Variants in BMX observed in about 807,000 individuals in gnomAD.
BMX encodes the protein BMX non-receptor tyrosine kinase, also known as cytoplasmic tyrosine-protein kinase BMX.
BMX carries 31 observed loss-of-function variants against 59.2 expected under a neutral mutation model. The ratio of observed to expected loss-of-function variants is 0.52; its 90% CI spans 0.39 to 0.71. The LOEUF (loss-of-function observed/expected upper bound fraction) is 0.71. Ranked by LOEUF, BMX falls within the 30% of genes least tolerant of loss-of-function variation. BMX has a pLI of 0.00. For synonymous variants in BMX, 185 were observed against 181.0 expected, an observed-to-expected ratio of 1.02 and a Z score of -0.18; for missense variants, 474 against 491.7, an observed-to-expected ratio of 0.96 and a Z score of 0.34.
intron 18 of BMX, among the ~76,000 whole-genome samples, chrX:15,552,877 G>A (rs1926261061): frequency 8.9e-6 from 1 of 112,199 alleles, no homozygotes; most frequent in Admixed American, 9.5e-5. Context: ...TTTCTGTTTG[G>A]GCATTCTGAG....
intron 6 of BMX, among the ~76,000 whole-genome samples, chrX:15,522,109 T>A (rs1490928048): frequency 9.0e-6 from 1 of 111,405 alleles, no homozygotes; most frequent in African/African-American, 3.3e-5. Context: ...AAATTTCCAA[T>A]GTTGTTGTAC....
At position 15,542,302 on chromosome X, in the gene BMX, C is replaced by T; in HGVS notation, c.1611+104C>T. 4 of 726,586 alleles carry T rather than the reference C, an allele frequency of 5.5e-6. No homozygotes were observed. In the South Asian group the frequency reaches 9.9e-5, roughly 18 times the overall value. 59.9% of individuals were successfully genotyped at this position (726,586 alleles called of 1,213,427 possible). Reference sequence around the variant, plus strand: ...GAAGGCAAGAAGGGCACCATCACTTCTACTTTGCTCACTTGTGACTTGTTT... The same window carrying T: ...GAAGGCAAGAAGGGCACCATCACTTTTACTTTGCTCACTTGTGACTTGTTT... On this transcript the variant is annotated intron_variant, in intron 15 of 18. Coordinates refer to ENST00000348343, the MANE Select transcript of BMX (RefSeq NM_203281.3).
At chrX:15,527,281 T>TAG (rs1215452618) in intron 9 of BMX, among the ~76,000 whole-genome samples, 7 of 54,417 alleles carry the variant, frequency 1.3e-4, no homozygotes, top group African/African-American at 4.8e-4. Context: ...TATATATATA[T>TAG]ATACACACAC....
chrX:15,527,283 T>TATATAGAC lies in BMX; in HGVS notation c.884+1189_884+1190insTATAGACA, dbSNP rs1285065649. ...ATATATATATATATATATATATATA[T>TATATAGAC]ACACACACACACACACACATATATA... On this transcript the variant is annotated intron_variant, in intron 9 of 18. Transcript: ENST00000348343. Among the ~76,000 whole-genome samples the TATATAGAC allele has an allele frequency of 2.5e-3, 162 of 65,861 alleles. 4 individuals are homozygous for TATATAGAC. The highest frequency in any genetic ancestry group is 0.01 in the African/African-American group (154 of 14,936). 57.2% of individuals were successfully genotyped at this position (65,861 alleles called of 115,157 possible).
In BMX at chrX:15,522,414, A is replaced by G. The variant is rs1924505805; in HGVS notation, c.579A>G (p.Gln193=). 8.3e-7 allele frequency: 1 copy of G among 1,212,118 alleles called. No homozygotes were observed. Among genetic ancestry groups the G allele is most frequent in the African/African-American group, 1.7e-5 (1 of 57,913 alleles). The change falls in exon 7 of 19, where the codon CAA becomes CAG. Residue 193 remains glutamine (Q), a synonymous_variant. Coordinates refer to ENST00000348343, the MANE Select transcript of BMX (RefSeq NM_203281.3). ...DAPSSSTTLA[Q]YDNESKKNYG... is the part of the protein sequence containing the mutation. Reference sequence around the variant, plus strand: ...CATCTTCAAGTACCACTCTAGCCCAATATGACAACGAATCAAAGAAAAACT... The same window carrying G: ...CATCTTCAAGTACCACTCTAGCCCAGTATGACAACGAATCAAAGAAAAACT...
At chrX:15,537,394 G>A in intron 14 of BMX, 89 bp downstream of exon 14, 1 of 976,196 alleles carries the variant, frequency 1.0e-6, no homozygotes, top group Non-Finnish European at 1.4e-6. Flanking sequence ...GCAAGGCCTA[G>A]AGCAAAAGTC....
In BMX at chrX:15,522,334, T is replaced by A. The variant is rs757306855; in HGVS notation, c.511-12T>A. ...CTCACTGTGATGTATTAAAATTTCT[T>A]CCCCTCCAAAGCTGAAGATACCTCG... On this transcript the variant is annotated splice_polypyrimidine_tract_variant and intron_variant, in intron 6 of 18. Coordinates refer to ENST00000348343, the MANE Select transcript of BMX (RefSeq NM_203281.3). 1.7e-6 allele frequency: 2 copies of A among 1,208,506 alleles called. No individual in the cohort carries two copies. Among genetic ancestry groups the A allele is most frequent in the Admixed American group, 4.4e-5 (2 of 45,485 alleles).
At chrX:15,544,820 G>T (rs778921162) in intron 16 of BMX, among the ~76,000 whole-genome samples, 68 of 111,201 alleles carry the variant, frequency 6.1e-4, no homozygotes, top group African/African-American at 2.0e-3. Flanking sequence ...AGTATGGAAT[G>T]TACTGTATGT....
chrX:15,553,001 T>C (rs1386271938), intron 18 of BMX, among the ~76,000 whole-genome samples: 1 of 112,316 alleles, frequency 8.9e-6, no homozygotes, highest in Non-Finnish European at 1.9e-5. Flanking sequence ...CATTTCCGTA[T>C]TCAGACAGGA....
At chrX:15,531,510 G>A in intron 11 of BMX, 103 bp downstream of exon 11, 1 of 704,781 alleles carries the variant, frequency 1.4e-6, no homozygotes, top group Non-Finnish European at 2.1e-6. Context: ...TTAAACTCTG[G>A]AATTTTAAAT....
At chrX:15,529,876 T>C in intron 9 of BMX, 97 bp from the exon 10 acceptor site, 1 of 765,168 alleles carries the variant, frequency 1.3e-6, no homozygotes, top group East Asian at 3.3e-5. Flanking sequence ...ACCCCTGAGG[T>C]AAGCCAATGC....
At chrX:15,513,110 G>A (rs1191624904) in intron 4 of BMX, among the ~76,000 whole-genome samples, 3 of 112,254 alleles carry the variant, frequency 2.7e-5, no homozygotes, top group Non-Finnish European at 5.6e-5. Flanking sequence ...TTGGGCTGCA[G>A]GTAAAAAGAC....
chrX:15,522,335 C>T lies in BMX; in HGVS notation c.511-11C>T. ...TCACTGTGATGTATTAAAATTTCTT[C>T]CCCTCCAAAGCTGAAGATACCTCGG... is the stretch of plus-strand genomic sequence containing the variant. On this transcript the variant is annotated splice_polypyrimidine_tract_variant and intron_variant, in intron 6 of 18. Coordinates refer to ENST00000348343, the MANE Select transcript of BMX (RefSeq NM_203281.3). The T allele has an allele frequency of 9.2e-6, 11 of 1,197,617 alleles. No homozygotes were observed. Among genetic ancestry groups the T allele is most frequent in the Non-Finnish European group, 1.2e-5 (11 of 887,069 alleles).
chrX:15,517,955 G>A lies in BMX; in HGVS notation c.472G>A (p.Glu158Lys), dbSNP rs1450025000. The A allele has an allele frequency of 1.1e-5, 13 of 1,206,033 alleles. No homozygotes were observed. Among genetic ancestry groups the A allele is most frequent in the South Asian group, 1.8e-5 (1 of 56,203 alleles). ...AYANLHTAVN[E>K]EKHRVPTFPD... ...TGCTAATCTGCATACTGCAGTCAAT[G>A]AAGAGAAACACAGAGTTCCCACCTT... Residue 158 changes from glutamate to lysine, a missense_variant, in exon 6 of 19, where the codon GAA becomes AAA. Transcript: ENST00000348343.
At chrX:15,506,395 G>A (rs1923743628) in intron 1 of BMX, among the ~76,000 whole-genome samples, 1 of 112,264 alleles carries the variant, frequency 8.9e-6, no homozygotes, top group African/African-American at 3.2e-5. Context: ...TTAGCACTCT[G>A]CTTTGAGGAA....
At chrX:15,511,750 GC>G (rs1323255802) in intron 4 of BMX, among the ~76,000 whole-genome samples, 1 of 111,397 alleles carries the variant, frequency 9.0e-6, no homozygotes, top group Non-Finnish European at 1.9e-5. Context: ...CCCACACAAA[GC>G]CAGTATTGTG....
intron 17 of BMX, among the ~76,000 whole-genome samples, chrX:15,549,555 C>T (rs1926097183): frequency 9.0e-6 from 1 of 111,423 alleles, no homozygotes; most frequent in South Asian, 3.8e-4. Context: ...GTGTCTTGGC[C>T]CCAAGAGGTT....
Position 15,534,336 on chromosome X carries a change from G to T in BMX, c.1144G>T (p.Ala382Ser). 1 of 1,161,402 alleles carries T rather than the reference G, an allele frequency of 8.6e-7. No homozygotes were observed. Among genetic ancestry groups the T allele is most frequent in the East Asian group, 3.2e-5 (1 of 31,483 alleles). ...KLIHYHQHNS[A>S]GMITRLRHPV... is the part of the protein sequence containing the mutation. ...TATTCATTATCATCAACACAATTCA[G>T]CAGGTAACTTATTTTAGTTTTTCTT... The change falls in exon 12 of 19, where the codon GCA becomes TCA. Residue 382 changes from alanine (A) to serine (S), a missense_variant. By Grantham distance (99) the Ala-to-Ser change is moderately conservative. Coordinates refer to ENST00000348343, the MANE Select transcript of BMX (RefSeq NM_203281.3).
Position 15,527,382 on chromosome X carries a change from G to A in BMX, c.884+1287G>A, listed in dbSNP as rs370440017. 1.4e-4 allele frequency among the ~76,000 whole-genome samples: 15 copies of A among 106,708 alleles called. 1 individual carries two copies. In the East Asian group the frequency reaches 2.9e-3, roughly 20 times the overall value. 92.7% of individuals were successfully genotyped at this position (106,708 alleles called of 115,157 possible). A position where few individuals can be genotyped will look rare whatever the true frequency, so the allele number is the denominator to read the frequency against. On this transcript the variant is annotated intron_variant, in intron 9 of 18. Coordinates refer to ENST00000348343, the MANE Select transcript of BMX (RefSeq NM_203281.3). ...CATTTGACATAAACTGGACTTCTGG[G>A]CAAATAAGAACGTGTGGTCACCCCA...
Sources: allele counts gnomAD v4.1 joint callset (sites outside exome capture counted in the v4.1 genomes callset), GRCh38; gene constraint gnomAD v4.1.1; transcripts MANE v1.5; gene names NCBI Gene and HGNC (gene_info 2026-07-23, HGNC 2026-07-21).